The following NIPAL2 variants were observed in gnomAD, a reference collection of about 807,000 sequenced individuals.
NIPAL2 encodes NIPA like domain containing 2.
In NIPAL2, 43 loss-of-function variants were observed where a neutral mutation model predicts 48.9. That is an observed-to-expected ratio of 0.88 (90% CI 0.69 to 1.13). The LOEUF (loss-of-function observed/expected upper bound fraction) is 1.13. NIPAL2 is among the 50% of genes most tolerant of loss of function. NIPAL2 has a pLI of 0.00. For synonymous variants in NIPAL2, 167 were observed against 174.6 expected, an observed-to-expected ratio of 0.96 and a Z score of 0.34; for missense variants, 446 against 461.4, an observed-to-expected ratio of 0.97 and a Z score of 0.31.
chr8:98,221,026 A>C (rs1290230458), intron 5 of NIPAL2, among the ~76,000 whole-genome samples: 1 of 124,590 alleles, frequency 8.0e-6, no homozygotes, highest in African/African-American at 3.2e-5. Flanking sequence ...CCCAGACTGG[A>C]GTGCAATGGC....
At position 98,294,000 on chromosome 8, in the gene NIPAL2, T is replaced by C; in HGVS notation, c.135+3A>G. 1 of 1,486,082 alleles carries C rather than the reference T, an allele frequency of 6.7e-7. No homozygotes were observed. The highest frequency in any genetic ancestry group is 3.0e-5 in the East Asian group (1 of 33,606). 92.1% of individuals were successfully genotyped at this position (1,486,082 alleles called of 1,614,324 possible). A position where few individuals can be genotyped will look rare whatever the true frequency, so the allele number is the denominator to read the frequency against. On this transcript the variant is annotated splice_donor_region_variant and intron_variant, in intron 1 of 10. Coordinates refer to ENST00000430223, the MANE Select transcript of NIPAL2 (RefSeq NM_001321635.2). ...GCTGCGGTGGCTGCGGGGCGGCCCT[T>C]ACCTGGTTCCTGCGGTACCAGTCGC...
intron 3 of NIPAL2, among the ~76,000 whole-genome samples, chr8:98,244,264 G>C (rs1430840292): frequency 6.8e-6 from 1 of 147,110 alleles, no homozygotes; most frequent in Non-Finnish European, 1.5e-5. Context: ...TGGTGATGAA[G>C]ACGGTGGGCG....
At chr8:98,280,267 C>A (rs1443056187) in intron 1 of NIPAL2, among the ~76,000 whole-genome samples, 1 of 152,192 alleles carries the variant, frequency 6.6e-6, no homozygotes, top group Admixed American at 6.5e-5. Flanking sequence ...TAGTACATGG[C>A]AGAAAAGCAC....
At chr8:98,202,833 A>T (rs1267298840) in intron 8 of NIPAL2, among the ~76,000 whole-genome samples, 6 of 152,234 alleles carry the variant, frequency 3.9e-5, no homozygotes, top group African/African-American at 1.4e-4. Context: ...TTGCAAGGAA[A>T]CTCATTTCAG....
intron 1 of NIPAL2, among the ~76,000 whole-genome samples, chr8:98,278,930 G>A (rs1286235288): frequency 6.6e-6 from 1 of 152,088 alleles, no homozygotes; most frequent in Non-Finnish European, 1.5e-5. Context: ...AATTAAAAGT[G>A]TAGTAAAAAG....
chr8:98,244,202 C>CAAAAA (rs56131567), intron 3 of NIPAL2, among the ~76,000 whole-genome samples: 1 of 104,424 alleles, frequency 9.6e-6, no homozygotes, highest in African/African-American at 4.1e-5. Context: ...CCTCTGAAGA[C>CAAAAA]AAAAAAAAAA....
intron 4 of NIPAL2, among the ~76,000 whole-genome samples, chr8:98,225,110 A>T (rs1354944041): frequency 2.0e-5 from 3 of 152,152 alleles, no homozygotes; most frequent in Non-Finnish European, 4.4e-5. Context: ...TGGGCCTCAC[A>T]TCACTGTGCA....
chr8:98,294,155 G>T lies in NIPAL2; in HGVS notation c.-18C>A, dbSNP rs1345068647. ...GCTGCCATGAGGTCTCGCTCCCGGC[G>T]CTCGGGCTCCGGCTCGGGCTGCGGC... On this transcript the variant is annotated 5_prime_UTR_variant, in exon 1 of 11. Coordinates refer to ENST00000430223, the MANE Select transcript of NIPAL2 (RefSeq NM_001321635.2). 2.9e-6 allele frequency: 4 copies of T among 1,367,666 alleles called. 1 individual carries two copies. The Admixed American group carries it at 1.1e-4, about 36-fold the overall frequency. The allele number at this position is 1,367,666 out of a possible 1,614,324, so 84.7% of individuals were successfully genotyped here. A position where few individuals can be genotyped will look rare whatever the true frequency, so the allele number is the denominator to read the frequency against.
chr8:98,270,515 T>C (rs1252560396), intron 1 of NIPAL2, among the ~76,000 whole-genome samples: 8 of 152,218 alleles, frequency 5.3e-5, no homozygotes, highest in African/African-American at 1.9e-4. Flanking sequence ...TTGCTCACTT[T>C]TCAATGGGAT....
At chr8:98,258,612 G>A (rs527312942) in intron 1 of NIPAL2, among the ~76,000 whole-genome samples, 2 of 152,248 alleles carry the variant, frequency 1.3e-5, no homozygotes, top group African/African-American at 4.8e-5. Context: ...CCGAACTTAG[G>A]AGTATGTGCC....
chr8:98,235,858 T>C (rs1200419445), intron 4 of NIPAL2, among the ~76,000 whole-genome samples: 2 of 151,374 alleles, frequency 1.3e-5, no homozygotes, highest in East Asian at 3.9e-4. Context: ...ATATAATCCC[T>C]TCAACTGATT....
rs568464494 is a variant in NIPAL2 at position 98,242,488 on chromosome 8, A to ATTTTT, written c.377-6279_377-6275dup. Among the ~76,000 whole-genome samples, 51 of 117,782 alleles carry ATTTTT rather than the reference A, an allele frequency of 4.3e-4. 2 individuals are homozygous for ATTTTT. The highest frequency in any genetic ancestry group is 1.4e-3 in the African/African-American group (43 of 30,326). The allele number at this position is 117,782 out of a possible 152,430, so 77.3% of individuals were successfully genotyped here. A position where few individuals can be genotyped will look rare whatever the true frequency, so the allele number is the denominator to read the frequency against. ...AGGCAAAAGCCACTGCACCTGACAG[A>ATTTTT]TTTTTTTTTTTTTTTTTTTAACTGA... On this transcript the variant is annotated intron_variant, in intron 3 of 10. Coordinates refer to ENST00000430223, the MANE Select transcript of NIPAL2 (RefSeq NM_001321635.2).
At chr8:98,288,637 A>G in intron 1 of NIPAL2, among the ~76,000 whole-genome samples, 1 of 150,664 alleles carries the variant, frequency 6.6e-6, no homozygotes, top group African/African-American at 2.4e-5. Context: ...CAATGGTTGA[A>G]CTAGTTTACA....
At chr8:98,291,377 C>T (rs983645287) in intron 1 of NIPAL2, among the ~76,000 whole-genome samples, 3 of 152,160 alleles carry the variant, frequency 2.0e-5, no homozygotes, top group Non-Finnish European at 2.9e-5. Context: ...GCATGCCTAT[C>T]AATGAAACCC....
In NIPAL2 at chr8:98,205,263, A is replaced by G; in HGVS notation, c.656-17T>C. 4 of 1,597,654 alleles carry G rather than the reference A, an allele frequency of 2.5e-6. No individual in the cohort carries two copies. Among genetic ancestry groups the G allele is most frequent in the Non-Finnish European group, 3.4e-6 (4 of 1,174,494 alleles). On this transcript the variant is annotated splice_polypyrimidine_tract_variant and intron_variant, in intron 6 of 10. Coordinates refer to ENST00000430223, the MANE Select transcript of NIPAL2 (RefSeq NM_001321635.2). ...TCAATGAGGCTGAAAAAGAAAACAA[A>G]AAACACAAATAAAGAACATATTTCA...
chr8:98,261,473 T>A (rs2130852732), intron 1 of NIPAL2, among the ~76,000 whole-genome samples: 1 of 145,768 alleles, frequency 6.9e-6, no homozygotes, highest in East Asian at 2.0e-4. Flanking sequence ...GAGAACTACG[T>A]GAAGAATGCA....
At chr8:98,278,696 T>C (rs1815624822) in intron 1 of NIPAL2, among the ~76,000 whole-genome samples, 2 of 152,224 alleles carry the variant, frequency 1.3e-5, no homozygotes, top group Non-Finnish European at 1.5e-5. Context: ...ACTCATCTTT[T>C]AAACCCTAAT....
At chr8:98,225,050 C>A (rs1174887810) in intron 4 of NIPAL2, among the ~76,000 whole-genome samples, 1 of 152,180 alleles carries the variant, frequency 6.6e-6, no homozygotes, top group African/African-American at 2.4e-5. Context: ...AGCCACCGTG[C>A]CCGGCTGCAA....
chr8:98,206,558 G>T (rs555942180), intron 6 of NIPAL2, among the ~76,000 whole-genome samples: 1 of 151,922 alleles, frequency 6.6e-6, no homozygotes, highest in Non-Finnish European at 1.5e-5. Flanking sequence ...AGGCCAAGGC[G>T]GGCGGATCAT....
Sources: allele counts gnomAD v4.1 joint callset (sites outside exome capture counted in the v4.1 genomes callset), GRCh38; gene constraint gnomAD v4.1.1; transcripts MANE v1.5; gene names NCBI Gene and HGNC (gene_info 2026-07-23, HGNC 2026-07-21).